Variants in WWC2 observed in about 807,000 individuals in gnomAD.
WWC2 encodes the protein WW and C2 domain containing 2, also known as protein WWC2.
WWC2 carries 101 observed loss-of-function variants against 138.5 expected under a neutral mutation model. That is an observed-to-expected ratio of 0.73 (90% confidence interval 0.62 to 0.86). The LOEUF (loss-of-function observed/expected upper bound fraction) is 0.86. Ranked by LOEUF, WWC2 falls within the 40% of genes least tolerant of loss-of-function variation. The pLI is 0.00. For synonymous variants in WWC2, 558 were observed against 538.4 expected (o/e 1.04, Z -0.50); for missense variants, 1,420 against 1,419.4 (o/e 1.00, Z -0.01).
At chr4:183,101,575 G>C (rs1743182308) in intron 1 of WWC2, among the ~76,000 whole-genome samples, 1 of 152,200 alleles carries the variant, frequency 6.6e-6, no homozygotes, top group African/African-American at 2.4e-5. Context: ...GTTGAGATCA[G>C]AGTCACCATT....
chr4:183,137,562 G>A (rs920349570), intron 1 of WWC2, among the ~76,000 whole-genome samples: 11 of 151,602 alleles, frequency 7.3e-5, no homozygotes, highest in East Asian at 3.9e-4. Context: ...GCAGTGGCAC[G>A]ATCTTGGCTC....
intron 1 of WWC2, among the ~76,000 whole-genome samples, chr4:183,154,016 A>AC (rs1561438936): frequency 1.3e-5 from 2 of 151,422 alleles, no homozygotes; most frequent in African/African-American, 4.8e-5. Context: ...AAAAAAAAAA[A>AC]AAAAAAAAAA....
intron 21 of WWC2, among the ~76,000 whole-genome samples, chr4:183,296,933 C>CAAAAAAAAAAAAA (rs776211338): frequency 1.4e-5 from 1 of 70,766 alleles, no homozygotes; most frequent in African/African-American, 6.3e-5. Context: ...GACTCCGTCT[C>CAAAAAAAAAAAAA]AAAAAAAAAA....
intron 1 of WWC2, among the ~76,000 whole-genome samples, chr4:183,101,006 A>T (rs1424261551): frequency 6.6e-6 from 1 of 152,216 alleles, no homozygotes; most frequent in Non-Finnish European, 1.5e-5. Context: ...ATGCTATTGC[A>T]CTTTGAAACT....
chr4:183,148,606 T>C (rs1305542914), intron 1 of WWC2, among the ~76,000 whole-genome samples: 1 of 152,168 alleles, frequency 6.6e-6, no homozygotes, highest in African/African-American at 2.4e-5. Flanking sequence ...AGGCTCAGGA[T>C]TTCAGAAAAT....
chr4:183,176,698 C>T (rs1000436217), intron 1 of WWC2, among the ~76,000 whole-genome samples: 1 of 152,206 alleles, frequency 6.6e-6, no homozygotes, highest in African/African-American at 2.4e-5. Context: ...GCTGGGATTA[C>T]AGCCGTGAGC....
At position 183,271,178 on chromosome 4, in the gene WWC2, G is replaced by C. The variant is rs1737683989; in HGVS notation, c.2499G>C (p.Lys833Asn). The C allele has an allele frequency of 6.2e-7, 1 of 1,612,682 alleles. No individual in the cohort carries two copies. Among genetic ancestry groups the C allele is most frequent in the South Asian group, 1.1e-5 (1 of 90,884 alleles). ...LLPSKQMPCK[K>N]NEENEDSVFQ... is the part of the protein sequence containing the mutation. ...CTTCCAAGCAAATGCCTTGCAAAAA[G>C]AATGAAGAAAATGAGGACTCTGTAT... Residue 833 changes from lysine to asparagine, a missense_variant, in exon 16 of 23, where the codon AAG (lysine) becomes AAC (asparagine). Lys to Asn is a moderately conservative substitution (Grantham distance 94, BLOSUM62 0). Transcript: ENST00000403733.
chr4:183,276,114 C>T (rs1307815302), intron 16 of WWC2, among the ~76,000 whole-genome samples: 1 of 151,964 alleles, frequency 6.6e-6, no homozygotes, highest in Non-Finnish European at 1.5e-5. Flanking sequence ...TCTACTTTGT[C>T]TGGTGTTAGT....
At chr4:183,160,313 A>C (rs1733924917) in intron 1 of WWC2, among the ~76,000 whole-genome samples, 1 of 152,246 alleles carries the variant, frequency 6.6e-6, no homozygotes, top group African/African-American at 2.4e-5. Context: ...TGAATAGTTG[A>C]AAGACGAATT....
rs1579087211 is a variant in WWC2, at chr4:183,320,472, G to A, written c.*4743G>A. 2 of 498,806 alleles carry A rather than the reference G, an allele frequency of 4.0e-6. No homozygotes were observed. The highest frequency in any genetic ancestry group is 6.5e-5 in the East Asian group (2 of 30,996). 30.9% of individuals were successfully genotyped at this position (498,806 alleles called of 1,614,324 possible). On this transcript the variant is annotated 3_prime_UTR_variant, in exon 23 of 23. Transcript: ENST00000403733. The stretch of plus-strand genomic sequence containing the variant: ...TGTTTGTGTCCTGTGGGCTGGATTT[G>A]ACAGAAAGCAGTTTGTCACTGAAAT...
intron 21 of WWC2, among the ~76,000 whole-genome samples, chr4:183,298,261 A>G (rs1738705762): frequency 6.6e-6 from 1 of 152,226 alleles, no homozygotes; most frequent in African/African-American, 2.4e-5. Context: ...CTAGATCACT[A>G]CTGTGAACAT....
chr4:183,246,863 T>A (rs1736796509), intron 6 of WWC2, among the ~76,000 whole-genome samples: 1 of 151,046 alleles, frequency 6.6e-6, no homozygotes, highest in African/African-American at 2.5e-5. Flanking sequence ...ATGCATGTAG[T>A]AGGTCCTTTA....
intron 1 of WWC2, among the ~76,000 whole-genome samples, chr4:183,145,813 GTTT>G (rs879878172): frequency 6.6e-6 from 1 of 152,186 alleles, no homozygotes; most frequent in Non-Finnish European, 1.5e-5. Flanking sequence ...TCGGATTGAT[GTTT>G]TTATGTATCA....
intron 4 of WWC2, among the ~76,000 whole-genome samples, chr4:183,225,025 T>G (rs1228977007): frequency 1.3e-5 from 2 of 152,170 alleles, no homozygotes; most frequent in Non-Finnish European, 2.9e-5. Flanking sequence ...CCTAGTATTC[T>G]GAAAGTTTTC....
rs555259407 is a variant in WWC2, at chr4:183,286,553, G to A, written c.3141+494G>A. ...GCAGCTCGGGTGGCATTTTCCTGGA[G>A]GTCATGGGTCTCTGCATGAGCCTTA... On this transcript the variant is annotated intron_variant, in intron 20 of 22. Transcript: ENST00000403733. 2.6e-5 allele frequency among the ~76,000 whole-genome samples: 4 copies of A among 152,222 alleles called. No homozygotes were observed. The South Asian group carries it at 8.3e-4, about 32-fold the overall frequency.
At chr4:183,194,801 T>C (rs1434266696) in intron 2 of WWC2, among the ~76,000 whole-genome samples, 1 of 152,230 alleles carries the variant, frequency 6.6e-6, no homozygotes, top group Non-Finnish European at 1.5e-5. Context: ...GTTAGTGATC[T>C]GTTTCAGTAG....
chr4:183,198,565 A>G (rs905296975), intron 2 of WWC2, among the ~76,000 whole-genome samples: 3 of 152,010 alleles, frequency 2.0e-5, no homozygotes, highest in Admixed American at 6.6e-5. Flanking sequence ...CATTTAATGT[A>G]TAATTTTCAC....
chr4:183,194,282 G>A (rs1172591222), intron 2 of WWC2, among the ~76,000 whole-genome samples: 2 of 152,228 alleles, frequency 1.3e-5, no homozygotes, highest in East Asian at 3.9e-4. Flanking sequence ...GTCAGTCTAG[G>A]GCAGAGGATT....
intron 2 of WWC2, among the ~76,000 whole-genome samples, chr4:183,205,874 C>T (rs77780811): frequency 0.12 from 17,906 of 152,118 alleles, 1,192 homozygotes; most frequent in East Asian, 0.23. Context: ...TATAGCGTCC[C>T]AGTTGTCCTT....
Sources: allele counts gnomAD v4.1 joint callset (sites outside exome capture counted in the v4.1 genomes callset), GRCh38; gene constraint gnomAD v4.1.1; transcripts MANE v1.5; gene names NCBI Gene and HGNC (gene_info 2026-07-23, HGNC 2026-07-21).